The following BICC1 variants were observed in gnomAD, a reference collection of about 807,000 sequenced individuals.
The protein encoded by BICC1 is BicC family RNA binding protein 1.
BICC1 carries 43 observed loss-of-function variants against 111.0 expected under a neutral mutation model. The ratio of observed to expected loss-of-function variants is 0.39; its 90% CI spans 0.30 to 0.50. BICC1 has a LOEUF of 0.50. BICC1 is among the 20% of genes least tolerant of loss of function. BICC1 has a pLI of 0.88. For synonymous variants in BICC1, 467 were observed against 434.4 expected (o/e 1.07, Z -0.93); for missense variants, 1,091 against 1,203.2 (o/e 0.91, Z 1.38).
intron 6 of BICC1, among the ~76,000 whole-genome samples, chr10:58,788,830 A>G (rs1394642352): frequency 1.3e-5 from 2 of 152,220 alleles, no homozygotes; most frequent in Non-Finnish European, 2.9e-5. Context: ...TCACACCTGT[A>G]ATCCCAGCAC....
At chr10:58,655,986 A>G (rs1838632235) in intron 2 of BICC1, among the ~76,000 whole-genome samples, 1 of 152,086 alleles carries the variant, frequency 6.6e-6, no homozygotes, top group Admixed American at 6.6e-5. Flanking sequence ...GAAGAATCAA[A>G]TAGACGCAAT....
At position 58,800,276 on chromosome 10, in the gene BICC1, T is replaced by C; in HGVS notation, c.1808T>C (p.Ile603Thr). Residue 603 changes from isoleucine (I) to threonine (T), a missense_variant, in exon 13 of 21, where the codon ATC becomes ACC. Physicochemically the swap from Ile to Thr is moderately conservative, Grantham distance 89 (BLOSUM62 -1). This residue lies in a region of BICC1 where 843 missense variants were observed against 900.8 expected (regional missense o/e 0.94). Coordinates refer to ENST00000373886, the MANE Select transcript of BICC1 (RefSeq NM_001080512.3). ...VLSANHGDPS[I>T]QTSGSEQTSP... ...AGTGCAAATCACGGGGATCCGTCCA[T>C]CCAGACAAGTGGGTCTGAGCAGACA... 7 of 1,613,742 alleles carry C rather than the reference T, an allele frequency of 4.3e-6. No individual in the cohort carries two copies. Among genetic ancestry groups the C allele is most frequent in the Non-Finnish European group, 5.9e-6 (7 of 1,179,836 alleles).
chr10:58,670,670 A>T (rs1003744224), intron 2 of BICC1, among the ~76,000 whole-genome samples: 1 of 152,204 alleles, frequency 6.6e-6, no homozygotes, highest in South Asian at 2.1e-4. Context: ...ATATACATTT[A>T]GATGAGCTCA....
chr10:58,521,134 A>G (rs1161137145), intron 1 of BICC1, among the ~76,000 whole-genome samples: 2 of 152,152 alleles, frequency 1.3e-5, no homozygotes, highest in South Asian at 2.1e-4. Flanking sequence ...TTTAAACACT[A>G]CAACATTTTA....
intron 9 of BICC1, 106 bp from the exon 10 acceptor site, chr10:58,796,234 G>A: frequency 1.1e-6 from 1 of 927,012 alleles, no homozygotes; most frequent in Non-Finnish European, 1.7e-6. Flanking sequence ...TATGTCCCCT[G>A]AGTGGAATTC....
chr10:58,651,177 C>A (rs1838435857), intron 2 of BICC1, among the ~76,000 whole-genome samples: 1 of 152,206 alleles, frequency 6.6e-6, no homozygotes, highest in African/African-American at 2.4e-5. Flanking sequence ...AGACTCTTCT[C>A]TAAGGGAGAT....
intron 2 of BICC1, chr10:58,648,569 A>G (rs7909752): frequency 5.1e-6 from 5 of 984,848 alleles, no homozygotes; most frequent in African/African-American, 1.7e-5. Context: ...GGAGGGAACA[A>G]TGGTATGTTT....
At chr10:58,684,228 C>G (rs751040890) in intron 2 of BICC1, among the ~76,000 whole-genome samples, 1 of 152,318 alleles carries the variant, frequency 6.6e-6, no homozygotes, top group Middle Eastern at 3.4e-3. Flanking sequence ...ATGAAGCCAA[C>G]TTGATCATGG....
intron 3 of BICC1, among the ~76,000 whole-genome samples, chr10:58,724,781 G>A (rs540765309): frequency 2.6e-5 from 4 of 152,310 alleles, no homozygotes; most frequent in East Asian, 1.9e-4. Flanking sequence ...CCAGAGCCCC[G>A]GTTGCCCCGG....
intron 1 of BICC1, among the ~76,000 whole-genome samples, chr10:58,540,828 A>T (rs1014096653): frequency 6.6e-6 from 1 of 152,120 alleles, no homozygotes; most frequent in African/African-American, 2.4e-5. Flanking sequence ...AGCAAACTGA[A>T]TTCAACACCA....
intron 3 of BICC1, among the ~76,000 whole-genome samples, chr10:58,727,753 T>C (rs1214824795): frequency 2.6e-5 from 4 of 152,202 alleles, no homozygotes; most frequent in Non-Finnish European, 5.9e-5. Flanking sequence ...TAATGTCAGT[T>C]AATAGCTTCT....
At chr10:58,736,356 T>C (rs1436888074) in intron 3 of BICC1, among the ~76,000 whole-genome samples, 3 of 138,758 alleles carry the variant, frequency 2.2e-5, no homozygotes, top group Admixed American at 7.7e-5. Flanking sequence ...TTTATTTTGT[T>C]TATCAAATGT....
chr10:58,808,989 A>G (rs955436233), intron 17 of BICC1, among the ~76,000 whole-genome samples: 19 of 151,848 alleles, frequency 1.3e-4, no homozygotes, highest in Admixed American at 1.2e-3. Flanking sequence ...TGCTAGGATT[A>G]CAGGTGTGAG....
At chr10:58,528,248 T>C (rs1842596039) in intron 1 of BICC1, among the ~76,000 whole-genome samples, 1 of 151,832 alleles carries the variant, frequency 6.6e-6, no homozygotes, top group Admixed American at 6.6e-5. Flanking sequence ...GCAGAGCAGT[T>C]CTCCATATGC....
intron 8 of BICC1, among the ~76,000 whole-genome samples, chr10:58,791,542 C>A (rs977952394): frequency 1.3e-5 from 2 of 152,112 alleles, no homozygotes; most frequent in Non-Finnish European, 2.9e-5. Flanking sequence ...TCAAGACCAG[C>A]CTGGCCAATA....
intron 13 of BICC1, 124 bp from the exon 14 acceptor site, chr10:58,800,766 G>T (rs1843518969): frequency 9.6e-6 from 9 of 940,422 alleles, no homozygotes; most frequent in Non-Finnish European, 1.4e-5. Context: ...AGATGGAAGA[G>T]GTCTCTGTCA....
intron 2 of BICC1, among the ~76,000 whole-genome samples, chr10:58,655,939 A>T (rs1335078553): frequency 6.6e-6 from 1 of 152,122 alleles, no homozygotes; most frequent in Admixed American, 6.6e-5. Context: ...AACAAAATTG[A>T]TAGACCGCTA....
chr10:58,657,039 C>T (rs1838678523), intron 2 of BICC1, among the ~76,000 whole-genome samples: 1 of 152,124 alleles, frequency 6.6e-6, no homozygotes, highest in Admixed American at 6.6e-5. Flanking sequence ...TCCCTCCAGC[C>T]CCATCTTTCT....
chr10:58,704,445 G>A (rs1156350161), intron 3 of BICC1, among the ~76,000 whole-genome samples: 1 of 152,130 alleles, frequency 6.6e-6, no homozygotes, highest in Non-Finnish European at 1.5e-5. Context: ...AACATCCCTG[G>A]TATGTGTATA....
Sources: allele counts gnomAD v4.1 joint callset (sites outside exome capture counted in the v4.1 genomes callset), GRCh38; gene constraint gnomAD v4.1.1; regional missense constraint gnomAD v4.1.1; transcripts MANE v1.5; gene names NCBI Gene and HGNC (gene_info 2026-07-23, HGNC 2026-07-21).